SAMD4B: variants seen among roughly 807,000 people sequenced by gnomAD.
The protein encoded by SAMD4B is protein Smaug homolog 2.
SAMD4B carries 5 observed loss-of-function variants against 74.5 expected under a neutral mutation model. The ratio of observed to expected loss-of-function variants is 0.07; its 90% confidence interval spans 0.04 to 0.14. SAMD4B has a LOEUF of 0.14. Ranked by LOEUF, SAMD4B falls within the 10% of genes least tolerant of loss-of-function variation. The pLI is 1.00. For missense variants in SAMD4B, 608 were observed against 921.8 expected, an observed-to-expected ratio of 0.66 and a Z score of 4.41; for synonymous variants, 373 against 374.9, an observed-to-expected ratio of 1.00 and a Z score of 0.06.
chr19:39,343,401 A>C (rs1356672089), intron 1 of SAMD4B, among the ~76,000 whole-genome samples: 1 of 150,506 alleles, frequency 6.6e-6, no homozygotes, highest in Non-Finnish European at 1.5e-5. Flanking sequence ...TATCCCCAAA[A>C]TAAATCTTCC....
downstream of SAMD4B, chr19:39,385,892 T>G: frequency 6.6e-7 from 1 of 1,517,542 alleles, no homozygotes; most frequent in Non-Finnish European, 8.8e-7. Context: ...GGTTTGGGGG[T>G]GGGGAACAAA....
rs2078121267 is a variant in SAMD4B at position 39,383,377 on chromosome 19, G to T, written c.2056+86G>T. On this transcript the variant is annotated intron_variant, in intron 13 of 13. Transcript: ENST00000610417. The surrounding 1 kb of genome is among the most constrained non-coding windows in gnomAD (Gnocchi z 4.1). Reference sequence around the variant, plus strand: ...TGAGCAACTCAGAGTCATCCTGAGGGGTCCCCAGGGGAGGCCAGACTCCAG... The same window carrying T: ...TGAGCAACTCAGAGTCATCCTGAGGTGTCCCCAGGGGAGGCCAGACTCCAG... 1.3e-6 allele frequency: 2 copies of T among 1,565,666 alleles called. No individual in the cohort carries two copies. Among genetic ancestry groups the T allele is most frequent in the Non-Finnish European group, 1.8e-6 (2 of 1,135,744 alleles).
rs1216139152 is a variant in SAMD4B, at chr19:39,356,754, C to T, written c.-140C>T. ...GTGAGCAGGCTTCCTCCTCCCCCAA[C>T]AACCGTTGCCACCACGCCCAGAAAC... On this transcript the variant is annotated 5_prime_UTR_variant, in exon 3 of 14. Coordinates refer to ENST00000610417, the MANE Select transcript of SAMD4B (RefSeq NM_001384574.2). The T allele has an allele frequency of 3.0e-6, 2 of 659,236 alleles. No individual in the cohort carries two copies. The highest frequency in any genetic ancestry group is 3.1e-5 in the Admixed American group (1 of 32,502). 40.8% of individuals were successfully genotyped at this position (659,236 alleles called of 1,614,324 possible).
chr19:39,383,544 G>T lies in SAMD4B; in HGVS notation c.*17G>T, dbSNP rs376021198. 3 of 1,614,136 alleles carry T rather than the reference G, an allele frequency of 1.9e-6. No individual in the cohort carries two copies. On this transcript the variant is annotated 3_prime_UTR_variant, in exon 14 of 14. Coordinates refer to ENST00000610417, the MANE Select transcript of SAMD4B (RefSeq NM_001384574.2). The surrounding 1 kb of genome is among the most constrained non-coding windows in gnomAD (Gnocchi z 4.1). ...ACCATCTGACGGGACCCACAGCCCA[G>T]CGCACCCATAGGCTCCCTGGGCGGC...
chr19:39,383,684 G>A lies in SAMD4B; in HGVS notation c.*157G>A, dbSNP rs1243625976. Reference sequence around the variant, plus strand: ...ACCCTCTTAACTTTTGTTTAACATTGGCACATGCCTTGCTCACTCCCAGGC... The same window carrying A: ...ACCCTCTTAACTTTTGTTTAACATTAGCACATGCCTTGCTCACTCCCAGGC... On this transcript the variant is annotated 3_prime_UTR_variant, in exon 14 of 14. Transcript: ENST00000610417. This position sits in a 1 kb window ranked among gnomAD's most constrained non-coding sequence, Gnocchi z 4.1. The A allele has an allele frequency of 1.3e-6, 2 of 1,552,986 alleles. No homozygotes were observed. The highest frequency in any genetic ancestry group is 1.7e-6 in the Non-Finnish European group (2 of 1,154,046).
chr19:39,363,049 TCTGA>T (rs1360429510), intron 3 of SAMD4B, among the ~76,000 whole-genome samples: 4 of 152,072 alleles, frequency 2.6e-5, no homozygotes, highest in Non-Finnish European at 4.4e-5. Context: ...CCCTAGCCCC[TCTGA>T]CTGGTGCCTG....
chr19:39,376,327 A>G, intron 5 of SAMD4B, 110 bp from the exon 6 acceptor site: 1 of 832,550 alleles, frequency 1.2e-6, no homozygotes, highest in Non-Finnish European at 1.9e-6. Context: ...ACCCCCTCCC[A>G]ATTTTTTGCA....
At chr19:39,353,827 C>G (rs2076192092) in intron 1 of SAMD4B, among the ~76,000 whole-genome samples, 179 bp from the exon 2 acceptor site, 1 of 152,144 alleles carries the variant, frequency 6.6e-6, no homozygotes. Flanking sequence ...GTCTCAAACT[C>G]CTGACCTCAA....
At chr19:39,349,591 G>C (rs2075907514) in intron 1 of SAMD4B, among the ~76,000 whole-genome samples, 1 of 152,036 alleles carries the variant, frequency 6.6e-6, no homozygotes, top group Admixed American at 6.6e-5. Context: ...TCTTATAAGA[G>C]AAGTTGTGCT....
chr19:39,375,686 G>C lies in SAMD4B; in HGVS notation c.704G>C (p.Arg235Pro). Reference protein sequence around the residue: ...PCQIHPSPLKRSMSLIPTSPQ... With the variant: ...PCQIHPSPLKPSMSLIPTSPQ... Reference sequence around the variant, plus strand: ...CAAATCCACCCTAGCCCACTGAAGCGCTCCATGTCACTCATCCCTACAAGC... The same window carrying C: ...CAAATCCACCCTAGCCCACTGAAGCCCTCCATGTCACTCATCCCTACAAGC... Residue 235 changes from arginine to proline, a missense_variant, in exon 5 of 14, where the codon CGC (arginine) becomes CCC (proline). This residue lies in a region of SAMD4B where 153 missense variants were observed against 153.0 expected (regional missense o/e 1.00). Transcript: ENST00000610417. This position sits in a 1 kb window ranked among gnomAD's most constrained non-coding sequence, Gnocchi z 4.1. 1 of 1,612,718 alleles carries C rather than the reference G, an allele frequency of 6.2e-7. No individual in the cohort carries two copies. The highest frequency in any genetic ancestry group is 8.5e-7 in the Non-Finnish European group (1 of 1,178,876).
Position 39,366,401 on chromosome 19 carries a change from C to T in SAMD4B, c.197-3254C>T, listed in dbSNP as rs144536005. On this transcript the variant is annotated intron_variant, in intron 3 of 13. Transcript: ENST00000610417. Reference sequence around the variant, plus strand: ...CAGGAGAATCACTTTAACCCGGAGGCGGAGGTTGCAGTGAGCTGAGATCAC... The same window carrying T: ...CAGGAGAATCACTTTAACCCGGAGGTGGAGGTTGCAGTGAGCTGAGATCAC... 4.1e-3 allele frequency among the ~76,000 whole-genome samples: 631 copies of T among 152,210 alleles called. 6 individuals carry two copies. The highest frequency in any genetic ancestry group is 0.014 in the African/African-American group (597 of 41,530).
chr19:39,366,448 G>A (rs2076968572), intron 3 of SAMD4B, among the ~76,000 whole-genome samples: 1 of 152,210 alleles, frequency 6.6e-6, no homozygotes, highest in African/African-American at 2.4e-5. Context: ...CTGGGCAATA[G>A]AGCGAGACTC....
chr19:39,386,474 A>G (rs769686280), downstream of SAMD4B: 15 of 1,613,976 alleles, frequency 9.3e-6, no homozygotes, highest in Non-Finnish European at 1.1e-5. The surrounding 1 kb of genome is among the most constrained non-coding windows in gnomAD (Gnocchi z 6.1). Flanking sequence ...TGGCCTGTCC[A>G]GATTTACCTG....
chr19:39,383,778 C>A lies in SAMD4B; in HGVS notation c.*251C>A. The stretch of plus-strand genomic sequence containing the variant: ...CAGGATAAAGGGGGCAGGGACTGGC[C>A]AGACTGCCTGCCTCTCTCCTTTCCT... On this transcript the variant is annotated 3_prime_UTR_variant, in exon 14 of 14. Coordinates refer to ENST00000610417, the MANE Select transcript of SAMD4B (RefSeq NM_001384574.2). This position sits in a 1 kb window ranked among gnomAD's most constrained non-coding sequence, Gnocchi z 4.1. The A allele has an allele frequency of 7.0e-7, 1 of 1,420,786 alleles. No individual in the cohort carries two copies. Among genetic ancestry groups the A allele is most frequent in the Non-Finnish European group, 9.6e-7 (1 of 1,047,048 alleles). The allele number at this position is 1,420,786 out of a possible 1,614,324, so 88.0% of individuals were successfully genotyped here.
intron 3 of SAMD4B, among the ~76,000 whole-genome samples, chr19:39,365,320 G>A (rs1160825316): frequency 1.3e-5 from 2 of 151,692 alleles, no homozygotes; most frequent in African/African-American, 2.4e-5. Flanking sequence ...TTGGGAGGCC[G>A]AGGCAGGTGG....
At chr19:39,387,800 A>C (rs1469928377), downstream of SAMD4B, among the ~76,000 whole-genome samples, 3 of 152,230 alleles carry the variant, frequency 2.0e-5, no homozygotes, top group Admixed American at 6.5e-5. Context: ...ATACTGGGAA[A>C]CTTGGCCCTC....
chr19:39,364,221 GT>G (rs963034358), intron 3 of SAMD4B, among the ~76,000 whole-genome samples: 1 of 152,228 alleles, frequency 6.6e-6, no homozygotes, highest in African/African-American at 2.4e-5. Flanking sequence ...TAGCCCTGGG[GT>G]CCTGGCAGTA....
downstream of SAMD4B, chr19:39,389,065 C>T (rs539565659): frequency 9.3e-4 from 1,500 of 1,612,012 alleles, 20 homozygotes; most frequent in South Asian, 0.015. The surrounding 1 kb of genome is among the most constrained non-coding windows in gnomAD (Gnocchi z 5.3). Flanking sequence ...CGCACCCTTG[C>T]CTCTCCCCAT....
At chr19:39,389,576 T>C (rs1473207837), downstream of SAMD4B, 1 of 1,614,050 alleles carries the variant, frequency 6.2e-7, no homozygotes, top group East Asian at 2.2e-5. This position sits in a 1 kb window ranked among gnomAD's most constrained non-coding sequence, Gnocchi z 5.3. Context: ...AGGAGGACCA[T>C]GAGGGAGGCC....
Sources: gnomAD v4.1 joint callset for allele counts (sites outside exome capture counted in the v4.1 genomes callset) on GRCh38, gnomAD v4.1.1 for gene constraint, gnomAD v4.1.1 regional missense constraint, Gnocchi (gnomAD v3.1) non-coding constraint, MANE v1.5 for transcripts, NCBI Gene and HGNC (gene_info 2026-07-23, HGNC 2026-07-21) for gene names.